The following ZFX variants were observed in gnomAD, a reference collection of about 807,000 sequenced individuals.
ZFX encodes zinc finger X-chromosomal protein.
For synonymous variants in ZFX, 196 were observed against 226.8 expected (o/e 0.86, Z 1.22); for missense variants, 362 against 628.3 (o/e 0.58, Z 4.53).
intron 3 of ZFX, 41 bp from the exon 4 acceptor site, chrX:24,172,673 GA>G: frequency 9.7e-7 from 1 of 1,026,956 alleles, no homozygotes; most frequent in Non-Finnish European, 1.3e-6. Context: ...TACCTGATAT[GA>G]AAAAACTAAT....
At chrX:24,203,052 A>G (rs1346819055) in intron 5 of ZFX, among the ~76,000 whole-genome samples, 1 of 111,852 alleles carries the variant, frequency 8.9e-6, no homozygotes, top group Non-Finnish European at 1.9e-5. Flanking sequence ...TTAGGACCTT[A>G]AGTTAATCAA....
chrX:24,197,408 G>GGT (rs1936995464), intron 5 of ZFX, among the ~76,000 whole-genome samples: 1 of 111,868 alleles, frequency 8.9e-6, no homozygotes, highest in Non-Finnish European at 1.9e-5. Flanking sequence ...ATATGATCAA[G>GGT]GTAAAAGCCA....
intron 3 of ZFX, among the ~76,000 whole-genome samples, chrX:24,163,673 C>G (rs548113196): frequency 9.4e-6 from 1 of 106,066 alleles, no homozygotes; most frequent in Non-Finnish European, 1.9e-5. Context: ...TCACCATGCC[C>G]GGCCGCCTAG....
At position 24,154,941 on chromosome X, in the gene ZFX, CAAA is replaced by C. The variant is rs1287101593; in HGVS notation, c.-29+2112_-29+2114del. Among the ~76,000 whole-genome samples the C allele has an allele frequency of 2.7e-5, 3 of 110,455 alleles. No homozygotes were observed. The South Asian group carries it at 1.2e-3, about 42-fold the overall frequency. ...ACAGGTGGGAGCTAACTGATGAACA[CAAA>C]GAAGGAAACGAGACACTGGGGGTCT... On this transcript the variant is annotated intron_variant, in intron 3 of 9. Transcript: ENST00000304543.
At chrX:24,180,744 T>C (rs190687806) in intron 5 of ZFX, among the ~76,000 whole-genome samples, 25 of 112,289 alleles carry the variant, frequency 2.2e-4, no homozygotes, top group South Asian at 1.5e-3. Context: ...TTATATAATA[T>C]GTAAAACACT....
At position 24,177,394 on chromosome X, in the gene ZFX, C is replaced by G. The variant is rs1161932176; in HGVS notation, c.59-1789C>G. The stretch of plus-strand genomic sequence containing the variant: ...GGGCTTCAACTGATTCAGTCCTCTA[C>G]CTTCATTCCTTAACTGCAAAATGGA... On this transcript the variant is annotated intron_variant, in intron 4 of 9. Transcript: ENST00000304543. 2.7e-5 allele frequency among the ~76,000 whole-genome samples: 3 copies of G among 111,890 alleles called. No homozygotes were observed. The East Asian group carries it at 8.3e-4, about 31-fold the overall frequency.
chrX:24,172,957 C>T, intron 4 of ZFX, 157 bp downstream of exon 4: 1 of 440,511 alleles, frequency 2.3e-6, no homozygotes, highest in Non-Finnish European at 3.5e-6. Flanking sequence ...TATTACCCTC[C>T]TCAAAGATGT....
chrX:24,179,200 A>G lies in ZFX; in HGVS notation c.76A>G (p.Met26Val). 3 of 1,211,250 alleles carry G rather than the reference A, an allele frequency of 2.5e-6. No individual in the cohort carries two copies. Among genetic ancestry groups the G allele is most frequent in the Non-Finnish European group, 3.4e-6 (3 of 895,136 alleles). The change falls in exon 5 of 10, where the codon ATG (methionine) becomes GTG (valine). Residue 26 changes from methionine (M) to valine (V), a missense_variant. By Grantham distance (21) the Met-to-Val change is conservative. Coordinates refer to ENST00000304543, the MANE Select transcript of ZFX (RefSeq NM_003410.4). ...TTTTTAAGGAGCTGATGGTACACACATGGATGGTGATCAAATTGTTGTGGA... is the reference window on the plus strand; with the variant it reads ...TTTTTAAGGAGCTGATGGTACACACGTGGATGGTGATCAAATTGTTGTGGA... ...FDATGADGTH[M>V]DGDQIVVEVQ...
chrX:24,176,713 G>C (rs962612596), intron 4 of ZFX, among the ~76,000 whole-genome samples: 1 of 110,349 alleles, frequency 9.1e-6, no homozygotes, highest in Non-Finnish European at 1.9e-5. Flanking sequence ...ATTACAAGGC[G>C]TGAGCCACCA....
Position 24,211,582 on chromosome X carries a change from G to A in ZFX, c.*206G>A. The A allele has an allele frequency of 4.7e-6, 2 of 425,928 alleles. No individual in the cohort carries two copies. Among genetic ancestry groups the A allele is most frequent in the Non-Finnish European group, 3.9e-6 (1 of 259,324 alleles). The allele number at this position is 425,928 out of a possible 1,213,427, so 35.1% of individuals were successfully genotyped here. On this transcript the variant is annotated 3_prime_UTR_variant, in exon 10 of 10. Transcript: ENST00000304543. ...TCTATTCAGTTTGTTTAATAAATAG[G>A]GAAAACTGGCAACATGCTAGTTACT...
chrX:24,201,087 T>A lies in ZFX; in HGVS notation c.647-6239T>A, dbSNP rs184669514. Among the ~76,000 whole-genome samples the A allele has an allele frequency of 1.5e-4, 17 of 112,242 alleles. No individual in the cohort carries two copies. In the East Asian group the frequency reaches 3.6e-3, roughly 24 times the overall value. On this transcript the variant is annotated intron_variant, in intron 5 of 9. Coordinates refer to ENST00000304543, the MANE Select transcript of ZFX (RefSeq NM_003410.4). ...AGCCTTCTTTGTCTGTTTTTAGAAA[T>A]TCATTTTTAATAATGGTAGCTTTAA...
At chrX:24,167,439 T>G (rs1266593664) in intron 3 of ZFX, among the ~76,000 whole-genome samples, 2 of 111,613 alleles carry the variant, frequency 1.8e-5, no homozygotes, top group Non-Finnish European at 3.8e-5. Flanking sequence ...AGAACCATGC[T>G]TTTCAGGAAA....
intron 3 of ZFX, among the ~76,000 whole-genome samples, chrX:24,163,399 A>T (rs1235221441): frequency 7.1e-5 from 2 of 28,360 alleles, no homozygotes; most frequent in Non-Finnish European, 1.6e-4. Context: ...TTTTTTTGAT[A>T]CAGAGTCTCA....
At chrX:24,196,427 C>T (rs1569158668) in intron 5 of ZFX, among the ~76,000 whole-genome samples, 1 of 111,987 alleles carries the variant, frequency 8.9e-6, no homozygotes, top group Non-Finnish European at 1.9e-5. Context: ...CATGTATGTT[C>T]TATAACCATT....
chrX:24,209,142 G>T, intron 9 of ZFX, 102 bp downstream of exon 9: 1 of 1,104,352 alleles, frequency 9.1e-7, no homozygotes, highest in South Asian at 2.1e-5. Context: ...TTAGCTGCTA[G>T]ACCATATATA....
At position 24,170,704 on chromosome X, in the gene ZFX, G is replaced by A. The variant is rs920723057; in HGVS notation, c.-28-2011G>A. The stretch of plus-strand genomic sequence containing the variant: ...TGGCTCATTGCAACCTCCGTATCCC[G>A]GGTTCAAGCGATTCTCCTGCCTCAG... On this transcript the variant is annotated intron_variant, in intron 3 of 9. Coordinates refer to ENST00000304543, the MANE Select transcript of ZFX (RefSeq NM_003410.4). Among the ~76,000 whole-genome samples the A allele has an allele frequency of 1.9e-4, 20 of 102,775 alleles. No individual in the cohort carries two copies. The Admixed American group carries it at 2.1e-3, about 11-fold the overall frequency. 89.2% of individuals were successfully genotyped at this position (102,775 alleles called of 115,157 possible).
chrX:24,171,646 A>G (rs943689890), intron 3 of ZFX, among the ~76,000 whole-genome samples: 4 of 111,607 alleles, frequency 3.6e-5, no homozygotes, highest in Admixed American at 9.6e-5. Context: ...GTAAAGGTGA[A>G]AATTATTGGT....
chrX:24,171,486 T>G (rs188074847), intron 3 of ZFX, among the ~76,000 whole-genome samples: 2 of 110,736 alleles, frequency 1.8e-5, no homozygotes, highest in African/African-American at 3.3e-5. Flanking sequence ...AGATGACAGG[T>G]GTTTGAATTT....
chrX:24,149,677 G>A (rs946179517), upstream of ZFX: 1 of 110,668 alleles, frequency 9.0e-6, no homozygotes, highest in Admixed American at 9.4e-5. Flanking sequence ...TCAGCTCCGA[G>A]CTCGGCCCCT....
Sources: allele counts gnomAD v4.1 joint callset (sites outside exome capture counted in the v4.1 genomes callset), GRCh38; gene constraint gnomAD v4.1.1; transcripts MANE v1.5; gene names NCBI Gene and HGNC (gene_info 2026-07-23, HGNC 2026-07-21).